Variants in TOP6BL observed in about 807,000 individuals in gnomAD.
TOP6BL encodes the protein TOP6B like initiator of meiotic double strand breaks, also known as type 2 DNA topoisomerase 6 subunit B-like.
chr11:66,762,151 A>G, the TOP6BL span: 4 of 838,212 alleles, frequency 4.8e-6, no homozygotes, highest in Admixed American at 1.7e-5. Context: ...CCTGAATTTC[A>G]TCACTCAGGA....
the TOP6BL span, among the ~76,000 whole-genome samples, chr11:66,781,246 C>CT: frequency 6.6e-6 from 1 of 151,758 alleles, no homozygotes; most frequent in East Asian, 1.9e-4. Flanking sequence ...TTTCTTCAGT[C>CT]TTTTTTTTCT....
chr11:66,826,691 AT>A, the TOP6BL span, among the ~76,000 whole-genome samples: 674 of 139,542 alleles, frequency 4.8e-3, 10 homozygotes, highest in East Asian at 0.049. Context: ...TTATTTATTT[AT>A]TTTTTTTGAG....
chr11:66,783,360 TCAGACAGA>T, the TOP6BL span, among the ~76,000 whole-genome samples: 2 of 152,076 alleles, frequency 1.3e-5, no homozygotes, highest in African/African-American at 4.8e-5. Flanking sequence ...TGATCCTGTC[TCAGACAGA>T]CAGACAGACA....
chr11:66,760,904 C>T, the TOP6BL span, among the ~76,000 whole-genome samples: 31 of 150,890 alleles, frequency 2.1e-4, no homozygotes, highest in East Asian at 5.8e-3. Flanking sequence ...TTTTTAATGA[C>T]AAATTTTCTT....
At chr11:66,745,630 G>C in the TOP6BL span, among the ~76,000 whole-genome samples, 8 of 152,330 alleles carry the variant, frequency 5.3e-5, no homozygotes, top group African/African-American at 1.9e-4. Context: ...GAGGGCACCT[G>C]AGAGAGTACC....
the TOP6BL span, among the ~76,000 whole-genome samples, chr11:66,817,422 GGAT>G: frequency 5.9e-3 from 893 of 151,602 alleles, 2 homozygotes; most frequent in Non-Finnish European, 8.5e-3. Flanking sequence ...CAGAATCACT[GGAT>G]GATGATGATG....
the TOP6BL span, among the ~76,000 whole-genome samples, chr11:66,829,432 C>T: frequency 4.6e-5 from 7 of 151,950 alleles, no homozygotes; most frequent in African/African-American, 1.7e-4. Flanking sequence ...AAACATTAGC[C>T]GGTGTGGCGA....
At chr11:66,759,025 G>A in the TOP6BL span, 3 of 1,527,594 alleles carry the variant, frequency 2.0e-6, no homozygotes, top group South Asian at 3.8e-5. Context: ...ATATTTCTTT[G>A]TATTCTGTTT....
chr11:66,758,644 A>G, the TOP6BL span, among the ~76,000 whole-genome samples: 2 of 152,146 alleles, frequency 1.3e-5, no homozygotes, highest in Non-Finnish European at 2.9e-5. Flanking sequence ...AAAATTGGTT[A>G]GAAGAAGAGC....
chr11:66,821,663 ACTCAT>A, the TOP6BL span: 1 of 1,609,530 alleles, frequency 6.2e-7, no homozygotes. Flanking sequence ...TTTGCTCACA[ACTCAT>A]CTCAATGCCA....
the TOP6BL span, among the ~76,000 whole-genome samples, chr11:66,764,438 G>C: frequency 6.6e-6 from 1 of 150,464 alleles, no homozygotes; most frequent in Admixed American, 6.6e-5. Flanking sequence ...CGGATCACAA[G>C]GTCAGGAGTT....
chr11:66,799,275 A>G, the TOP6BL span, among the ~76,000 whole-genome samples: 3 of 150,908 alleles, frequency 2.0e-5, no homozygotes, highest in Non-Finnish European at 4.4e-5. Flanking sequence ...AGTCCCAGCT[A>G]CTCAGGAGGC....
chr11:66,785,363 T>G, the TOP6BL span, among the ~76,000 whole-genome samples: 447 of 152,334 alleles, frequency 2.9e-3, no homozygotes, highest in Admixed American at 5.0e-3. Context: ...ATATAGATAC[T>G]TATTTAAAAA....
At chr11:66,791,361 C>T in the TOP6BL span, among the ~76,000 whole-genome samples, 1 of 152,130 alleles carries the variant, frequency 6.6e-6, no homozygotes, top group Non-Finnish European at 1.5e-5. Context: ...ATCTTCTTGA[C>T]AGCTTTATCC....
At chr11:66,831,224 C>T in the TOP6BL span, among the ~76,000 whole-genome samples, 1 of 152,142 alleles carries the variant, frequency 6.6e-6, no homozygotes, top group Non-Finnish European at 1.5e-5. Flanking sequence ...AAATATATAC[C>T]TATCATATGA....
the TOP6BL span, among the ~76,000 whole-genome samples, chr11:66,787,244 A>G: frequency 3.3e-5 from 5 of 151,828 alleles, no homozygotes. Flanking sequence ...GATAGCTAGG[A>G]TTTGATCTTG....
the TOP6BL span, among the ~76,000 whole-genome samples, chr11:66,812,906 C>T: frequency 7.2e-5 from 11 of 152,238 alleles, no homozygotes; most frequent in African/African-American, 2.6e-4. Context: ...GACTGCCCAC[C>T]GCAGTGAAGA....
the TOP6BL span, among the ~76,000 whole-genome samples, chr11:66,812,921 T>C: frequency 1.3e-5 from 2 of 152,170 alleles, no homozygotes; most frequent in Non-Finnish European, 2.9e-5. Flanking sequence ...TGAAGAATTA[T>C]CTGGCCCAAA....
At chr11:66,824,759 C>G in the TOP6BL span, among the ~76,000 whole-genome samples, 26 of 152,048 alleles carry the variant, frequency 1.7e-4, no homozygotes, top group Non-Finnish European at 3.4e-4. Flanking sequence ...ATGCATGTCC[C>G]TACAAAGGAC....
Sources: gnomAD v4.1 joint callset for allele counts (sites outside exome capture counted in the v4.1 genomes callset) on GRCh38, gnomAD v4.1.1 for gene constraint, MANE v1.5 for transcripts, NCBI Gene and HGNC (gene_info 2026-07-23, HGNC 2026-07-21) for gene names.